The following PCDHGB5 variants were observed in gnomAD, a reference collection of about 807,000 sequenced individuals.
PCDHGB5 encodes protocadherin gamma-B5.
PCDHGB5 carries 48 observed loss-of-function variants against 62.9 expected under a neutral mutation model. The observed-to-expected ratio is 0.76, with a 90% CI of 0.61 to 0.97. The LOEUF (loss-of-function observed/expected upper bound fraction) is 0.97, where lower values mean the gene tolerates loss of function less well. Ranked by LOEUF, PCDHGB5 falls within the 50% of genes least tolerant of loss-of-function variation. PCDHGB5 has a pLI of 0.00. For synonymous variants in PCDHGB5, 474 were observed against 511.2 expected (o/e 0.93, Z 0.98); for missense variants, 1,118 against 1,198.6 (o/e 0.93, Z 0.99).
chr5:141,470,969 A>T (rs62379203), intron 1 of PCDHGB5, among the ~76,000 whole-genome samples: 1 of 151,298 alleles, frequency 6.6e-6, no homozygotes, highest in Non-Finnish European at 1.5e-5. Flanking sequence ...CTCCCACCTC[A>T]GCCTCCCAAA....
In PCDHGB5 at chr5:141,491,144, TGGA is replaced by T. The variant is rs757881044; in HGVS notation, c.2398-3659_2398-3657del. ...GAGGTGCGCACAGCCCGGGCCTTAC[TGGA>T]GGATGACTCTGACACCCAGCAGGTG... On this transcript the variant is annotated intron_variant, in intron 1 of 3. Coordinates refer to ENST00000617380, the MANE Select transcript of PCDHGB5 (RefSeq NM_018925.3). This position sits in a 1 kb window ranked among gnomAD's most constrained non-coding sequence, Gnocchi z 6.9. The T allele has an allele frequency of 1.2e-6, 2 of 1,614,158 alleles. No individual in the cohort carries two copies. The highest frequency in any genetic ancestry group is 2.2e-5 in the South Asian group (2 of 91,086).
At chr5:141,404,762 C>T (rs1466259455) in intron 1 of PCDHGB5, 1 of 1,613,828 alleles carries the variant, frequency 6.2e-7, no homozygotes, top group East Asian at 2.2e-5. Flanking sequence ...GAATGCTTGG[C>T]TCTCCTACCG....
intron 1 of PCDHGB5, chr5:141,410,760 A>G: frequency 8.5e-7 from 1 of 1,177,482 alleles, no homozygotes; most frequent in Non-Finnish European, 1.2e-6. Flanking sequence ...ATGTTTTTTC[A>G]ATTATAGTTT....
rs762574320 is a variant in PCDHGB5, at chr5:141,485,926, G to T, written c.2398-8881G>T. 2.5e-6 allele frequency: 4 copies of T among 1,614,090 alleles called. No individual in the cohort carries two copies. The highest frequency in any genetic ancestry group is 3.4e-6 in the Non-Finnish European group (4 of 1,180,052). On this transcript the variant is annotated intron_variant, in intron 1 of 3. Transcript: ENST00000617380. This position sits in a 1 kb window ranked among gnomAD's most constrained non-coding sequence, Gnocchi z 5.7. Reference sequence around the variant, plus strand: ...AGCAATCCAGCTACAGGATTAGTGTGTTGGAGAGCGCACCAGCGGGCATGG... The same window carrying T: ...AGCAATCCAGCTACAGGATTAGTGTTTTGGAGAGCGCACCAGCGGGCATGG...
chr5:141,493,962 T>C lies in PCDHGB5; in HGVS notation c.2398-845T>C, dbSNP rs550317675. 6.6e-6 allele frequency among the ~76,000 whole-genome samples: 1 copy of C among 152,320 alleles called. No homozygotes were observed. Among genetic ancestry groups the C allele is most frequent in the African/African-American group, 2.4e-5 (1 of 41,578 alleles). ...AGAAGGGACTCAGGAATGAAGTGGC[T>C]GGCCAGAGCCCCACACCTTCAGCTA... is the stretch of plus-strand genomic sequence containing the variant. On this transcript the variant is annotated intron_variant, in intron 1 of 3. Coordinates refer to ENST00000617380, the MANE Select transcript of PCDHGB5 (RefSeq NM_018925.3). This position sits in a 1 kb window ranked among gnomAD's most constrained non-coding sequence, Gnocchi z 4.3.
rs2099735960 is a variant in PCDHGB5 at position 141,491,997 on chromosome 5, G to A, written c.2398-2810G>A. On this transcript the variant is annotated intron_variant, in intron 1 of 3. Transcript: ENST00000617380. The surrounding 1 kb of genome is among the most constrained non-coding windows in gnomAD (Gnocchi z 6.9). ...CCTTCGAGCTTCCGGTGAATTTCGG[G>A]CGATTTCCGCGGGTGTCGGGGGTCC... The A allele has an allele frequency of 1.5e-6, 1 of 671,074 alleles. No homozygotes were observed. The allele number at this position is 671,074 out of a possible 1,614,324, so 41.6% of individuals were successfully genotyped here.
rs1226558966 is a variant in PCDHGB5, at chr5:141,432,589, G to C, written c.2397+32065G>C. The C allele has an allele frequency of 6.2e-7, 1 of 1,613,916 alleles. No homozygotes were observed. The highest frequency in any genetic ancestry group is 8.5e-7 in the Non-Finnish European group (1 of 1,179,974). The stretch of plus-strand genomic sequence containing the variant: ...CCTGGCTGTCCTACCGTCTGCTCAA[G>C]GCCAGCGAGCCGGGACTCTTCTCGG... On this transcript the variant is annotated intron_variant, in intron 1 of 3. Coordinates refer to ENST00000617380, the MANE Select transcript of PCDHGB5 (RefSeq NM_018925.3). The surrounding 1 kb of genome is among the most constrained non-coding windows in gnomAD (Gnocchi z 6.0).
rs1474849292 is a variant in PCDHGB5 at position 141,454,205 on chromosome 5, G to T, written c.2398-40602G>T. Among the ~76,000 whole-genome samples, 3 of 152,154 alleles carry T rather than the reference G, an allele frequency of 2.0e-5. No individual in the cohort carries two copies. The East Asian group carries it at 5.8e-4, about 29-fold the overall frequency. ...GGAGCTTAGTGAAGGTGAATTTATT[G>T]ACATGAATGAGAAAAGTAATTGTGA... On this transcript the variant is annotated intron_variant, in intron 1 of 3. Coordinates refer to ENST00000617380, the MANE Select transcript of PCDHGB5 (RefSeq NM_018925.3).
chr5:141,468,681 A>G (rs1415798588), intron 1 of PCDHGB5: 1 of 151,830 alleles, frequency 6.6e-6, no homozygotes, highest in African/African-American at 2.4e-5. Flanking sequence ...CCTGGCTAAC[A>G]CGGTGAAACC....
chr5:141,501,701 G>A (rs747266621), intron 2 of PCDHGB5, among the ~76,000 whole-genome samples: 3 of 151,984 alleles, frequency 2.0e-5, no homozygotes, highest in East Asian at 1.9e-4. Flanking sequence ...GGGTGATTCC[G>A]AGGATAAAAA....
chr5:141,412,027 C>T (rs1360599996), intron 1 of PCDHGB5: 1 of 152,086 alleles, frequency 6.6e-6, no homozygotes, highest in Non-Finnish European at 1.5e-5. Context: ...ATCCTGTTCT[C>T]TGTGTGAAAG....
chr5:141,403,007 C>T (rs774624797), intron 1 of PCDHGB5: 10 of 1,613,940 alleles, frequency 6.2e-6, no homozygotes, highest in Non-Finnish European at 8.5e-6. Context: ...GCTATGCTCG[C>T]TCCTGGGGAT....
intron 1 of PCDHGB5, among the ~76,000 whole-genome samples, chr5:141,439,259 G>A (rs1172204848): frequency 6.6e-6 from 1 of 151,900 alleles, no homozygotes; most frequent in African/African-American, 2.4e-5. Context: ...TGAAGATTCA[G>A]CCAACAGTTC....
At chr5:141,508,927 A>C (rs1562237319) in intron 3 of PCDHGB5, among the ~76,000 whole-genome samples, 1 of 151,542 alleles carries the variant, frequency 6.6e-6, no homozygotes. Context: ...TTCCTTTTGG[A>C]GTTAATTAGG....
chr5:141,502,037 C>T (rs2154593041), intron 2 of PCDHGB5, among the ~76,000 whole-genome samples: 1 of 152,302 alleles, frequency 6.6e-6, no homozygotes, highest in East Asian at 1.9e-4. Context: ...CGCCGCTTGC[C>T]TGCTCTCCCT....
intron 1 of PCDHGB5, among the ~76,000 whole-genome samples, chr5:141,406,301 A>C (rs1447923303): frequency 6.6e-6 from 1 of 151,966 alleles, no homozygotes; most frequent in Non-Finnish European, 1.5e-5. Context: ...TGAGGTGTGA[A>C]CCACCTCACC....
chr5:141,449,994 G>T (rs2098661673), intron 1 of PCDHGB5, among the ~76,000 whole-genome samples: 2 of 131,786 alleles, frequency 1.5e-5, no homozygotes, highest in Admixed American at 7.9e-5. Context: ...ATTGCATTTA[G>T]TTGCCATGTC....
chr5:141,423,525 G>A (rs1014975146), intron 1 of PCDHGB5: 8 of 1,613,710 alleles, frequency 5.0e-6, no homozygotes, highest in African/African-American at 2.7e-5. Context: ...ACTCGCAGAA[G>A]AGTCACCTGA....
intron 1 of PCDHGB5, among the ~76,000 whole-genome samples, chr5:141,450,470 AGTTT>A (rs199699353): frequency 4.6e-5 from 7 of 151,680 alleles, no homozygotes; most frequent in Non-Finnish European, 8.8e-5. Flanking sequence ...TTATATATAG[AGTTT>A]GTTTGTTTGT....
Sources: allele counts gnomAD v4.1 joint callset (sites outside exome capture counted in the v4.1 genomes callset), GRCh38; gene constraint gnomAD v4.1.1; non-coding constraint Gnocchi (gnomAD v3.1); transcripts MANE v1.5; gene names NCBI Gene and HGNC (gene_info 2026-07-23, HGNC 2026-07-21).